Variants in RBFOX1 observed in about 807,000 individuals in gnomAD.
RBFOX1 encodes RNA binding protein fox-1 homolog 1.
RBFOX1 carries 8 observed loss-of-function variants against 57.7 expected under a neutral mutation model. The ratio of observed to expected loss-of-function variants is 0.14; its 90% CI spans 0.08 to 0.25. RBFOX1 has a LOEUF of 0.25. Among genes scored for constraint, RBFOX1 ranks in the 10% least tolerant of loss-of-function variants. RBFOX1 has a pLI of 1.00. For synonymous variants in RBFOX1, 326 were observed against 222.4 expected (o/e 1.47, Z -4.15); for missense variants, 611 against 548.5 (o/e 1.11, Z -1.14).
intron 4 of RBFOX1, among the ~76,000 whole-genome samples, chr16:7,054,059 A>G (rs2051059059): frequency 6.6e-6 from 1 of 151,438 alleles, no homozygotes; most frequent in African/African-American, 2.4e-5. Flanking sequence ...TCATCTGTAG[A>G]TATTTTCTTC....
At chr16:7,703,516 G>A (rs532715166) in intron 14 of RBFOX1, among the ~76,000 whole-genome samples, 14 of 152,244 alleles carry the variant, frequency 9.2e-5, no homozygotes, top group East Asian at 5.8e-4. Flanking sequence ...GGGCATAAAC[G>A]CTCCTCATCA....
intron 2 of RBFOX1, among the ~76,000 whole-genome samples, chr16:6,615,543 C>T (rs962214445): frequency 5.3e-5 from 8 of 151,696 alleles, no homozygotes; most frequent in African/African-American, 1.9e-4. Flanking sequence ...TCTCTCCATC[C>T]TGGGAGAAAG....
intron 2 of RBFOX1, among the ~76,000 whole-genome samples, chr16:6,637,410 T>TTATATAATATACAAATATATATTA (rs2098452597): frequency 2.7e-5 from 1 of 37,352 alleles, no homozygotes; most frequent in Non-Finnish European, 4.7e-5. Context: ...AATATATATA[T>TTATATAATATACAAATATATATTA]TATATAATAT....
chr16:5,562,689 A>G (rs752471399), intron 2 of RBFOX1, among the ~76,000 whole-genome samples: 23 of 152,078 alleles, frequency 1.5e-4, no homozygotes, highest in Non-Finnish European at 3.2e-4. Flanking sequence ...ATCTGGCCAC[A>G]TTCCCCTGCT....
chr16:5,509,399 A>G (rs1036779386), intron 2 of RBFOX1, among the ~76,000 whole-genome samples: 2 of 152,228 alleles, frequency 1.3e-5, no homozygotes, highest in African/African-American at 4.8e-5. Flanking sequence ...TCTTTCACCC[A>G]TGAACTGTAA....
At chr16:7,030,014 C>G (rs145293250) in intron 3 of RBFOX1, among the ~76,000 whole-genome samples, 131 of 152,234 alleles carry the variant, frequency 8.6e-4, no homozygotes, top group African/African-American at 3.0e-3. Context: ...TGTGTGATCC[C>G]TTTATGGGAA....
chr16:6,245,239 G>T (rs1370930550), intron 1 of RBFOX1, among the ~76,000 whole-genome samples: 6 of 152,226 alleles, frequency 3.9e-5, no homozygotes, highest in South Asian at 2.1e-4. Flanking sequence ...AAGCAGAAAT[G>T]ATGGCTTTAA....
intron 2 of RBFOX1, among the ~76,000 whole-genome samples, chr16:6,339,647 ATTTTT>A (rs1307395553): frequency 1.5e-5 from 2 of 137,644 alleles, no homozygotes; most frequent in Middle Eastern, 3.3e-3. Flanking sequence ...CGATTCCTTT[ATTTTT>A]TATTTTATTT....
chr16:7,505,220 G>C (rs1230525484), intron 4 of RBFOX1, among the ~76,000 whole-genome samples: 2 of 145,574 alleles, frequency 1.4e-5, no homozygotes, highest in East Asian at 4.0e-4. Flanking sequence ...TCTTTGAGAT[G>C]ATTGAGGCAA....
chr16:6,786,221 G>A (rs1225392141), intron 3 of RBFOX1, among the ~76,000 whole-genome samples: 1 of 152,168 alleles, frequency 6.6e-6, no homozygotes, highest in Non-Finnish European at 1.5e-5. Context: ...TATGTCAGAA[G>A]AGGGTCAGAA....
intron 3 of RBFOX1, among the ~76,000 whole-genome samples, chr16:6,940,879 G>GTGTGTTTGTGTT (rs1555653225): frequency 7.2e-6 from 1 of 138,566 alleles, no homozygotes; most frequent in African/African-American, 2.8e-5. Context: ...GTGTGTGTGT[G>GTGTGTTTGTGTT]TGTGTGTGTG....
chr16:7,539,056 A>G (rs923162181), intron 5 of RBFOX1, among the ~76,000 whole-genome samples: 12 of 152,184 alleles, frequency 7.9e-5, no homozygotes, highest in Admixed American at 4.6e-4. Flanking sequence ...GGCATTTGCT[A>G]TGTGCTATGT....
chr16:6,863,734 T>TTTTTTTTTTTTTTTTTTTTTTTTTTC, intron 3 of RBFOX1, among the ~76,000 whole-genome samples: 1 of 80,834 alleles, frequency 1.2e-5, no homozygotes, highest in African/African-American at 3.6e-5. Flanking sequence ...GCTTTTTTTT[T>TTTTTTTTTTTTTTTTTTTTTTTTTTC]TTTTTTTTTT....
At chr16:6,141,885 C>A (rs1054302453) in intron 1 of RBFOX1, among the ~76,000 whole-genome samples, 5 of 151,654 alleles carry the variant, frequency 3.3e-5, no homozygotes, top group African/African-American at 1.2e-4. Context: ...ATGGTGAAAC[C>A]CCATCTCTAC....
intron 3 of RBFOX1, among the ~76,000 whole-genome samples, chr16:5,866,438 G>C (rs1208203980): frequency 6.6e-6 from 1 of 152,200 alleles, no homozygotes; most frequent in Non-Finnish European, 1.5e-5. Flanking sequence ...TAGTCAGATA[G>C]GACAATATGG....
At chr16:7,086,691 C>T (rs920213059) in intron 4 of RBFOX1, among the ~76,000 whole-genome samples, 1 of 80,338 alleles carries the variant, frequency 1.2e-5, no homozygotes, top group Admixed American at 1.3e-4. Context: ...CCTAGGTCTG[C>T]GATTGCAAAG....
intron 11 of RBFOX1, among the ~76,000 whole-genome samples, chr16:7,631,594 G>A (rs1275086439): frequency 4.6e-5 from 7 of 152,148 alleles, no homozygotes; most frequent in Non-Finnish European, 8.8e-5. Flanking sequence ...AGAATGAGTC[G>A]TCTTTAGGGT....
chr16:6,989,221 A>T (rs1599332557), intron 3 of RBFOX1, among the ~76,000 whole-genome samples: 1 of 152,110 alleles, frequency 6.6e-6, no homozygotes, highest in South Asian at 2.1e-4. Context: ...AAATGTGGCT[A>T]TTAGAAAAAT....
At chr16:6,697,507 TC>T (rs1568260246) in intron 3 of RBFOX1, among the ~76,000 whole-genome samples, 1 of 152,170 alleles carries the variant, frequency 6.6e-6, no homozygotes, top group Non-Finnish European at 1.5e-5. Flanking sequence ...GAATCTAATA[TC>T]TCCTTATAAA....
Sources: gnomAD v4.1 joint callset for allele counts (sites outside exome capture counted in the v4.1 genomes callset) on GRCh38, gnomAD v4.1.1 for gene constraint, MANE v1.5 for transcripts, NCBI Gene and HGNC (gene_info 2026-07-23, HGNC 2026-07-21) for gene names.